The following ITM2B variants were observed in gnomAD, a reference collection of about 807,000 sequenced individuals.
The protein encoded by ITM2B is ABri/ADan amyloid peptide.
ITM2B carries 11 observed loss-of-function variants against 27.8 expected under a neutral mutation model. The observed-to-expected ratio is 0.40, with a 90% confidence interval of 0.25 to 0.66. ITM2B has a LOEUF of 0.66. Among genes scored for constraint, ITM2B ranks in the 30% least tolerant of loss-of-function variants. The pLI is 0.43. For missense variants in ITM2B, 296 were observed against 328.9 expected, an observed-to-expected ratio of 0.90 and a Z score of 0.77; for synonymous variants, 114 against 114.3, an observed-to-expected ratio of 1.00 and a Z score of 0.02.
At chr13:48,238,371 T>C (rs1184131987) in intron 1 of ITM2B, among the ~76,000 whole-genome samples, 2 of 152,176 alleles carry the variant, frequency 1.3e-5, no homozygotes, top group Non-Finnish European at 2.9e-5. Flanking sequence ...AAAAAACTTT[T>C]TGCAGTATTT....
At chr13:48,249,227 A>G (rs933765702) in intron 1 of ITM2B, among the ~76,000 whole-genome samples, 1 of 152,212 alleles carries the variant, frequency 6.6e-6, no homozygotes, top group Non-Finnish European at 1.5e-5. Context: ...CTAGAATTTG[A>G]TAAAGATGTG....
In ITM2B at chr13:48,242,261, T is replaced by C. The variant is rs192008799; in HGVS notation, c.117+8784T>C. 4.8e-3 allele frequency among the ~76,000 whole-genome samples: 724 copies of C among 152,274 alleles called. 1 individual carries two copies. The highest frequency in any genetic ancestry group is 0.016 in the African/African-American group (684 of 41,562). On this transcript the variant is annotated intron_variant, in intron 1 of 5. Coordinates refer to ENST00000647800, the MANE Select transcript of ITM2B (RefSeq NM_021999.5). ...AACTTTTTATTTTCCCTGAATTTGA[T>C]CATGCTTCTTGGGGCAGGAGAGAGG...
chr13:48,256,195 T>A lies in ITM2B; in HGVS notation c.265T>A (p.Cys89Ser). 6.2e-7 allele frequency: 1 copy of A among 1,612,116 alleles called. No individual in the cohort carries two copies. Among genetic ancestry groups the A allele is most frequent in the Non-Finnish European group, 8.5e-7 (1 of 1,178,290 alleles). Residue 89 changes from cysteine (C) to serine (S), a missense_variant, in exon 3 of 6, where the codon TGT (cysteine) becomes AGT (serine). Coordinates refer to ENST00000647800, the MANE Select transcript of ITM2B (RefSeq NM_021999.5). ...FALQPDDVYYCGIKYIKDDVI... is the reference protein window; with the variant it reads ...FALQPDDVYYSGIKYIKDDVI... ...TCTATAGCCAGATGACGTGTACTAC[T>A]GTGGAATAAAGTACATCAAAGATGA...
In ITM2B at chr13:48,235,822, T is replaced by G. The variant is rs561904473; in HGVS notation, c.117+2345T>G. On this transcript the variant is annotated intron_variant, in intron 1 of 5. Transcript: ENST00000647800. ...CTCCTGAACAAGAATTTTTCTTATCTTTAACCCTCCCAGATCACAATATCC... is the reference window on the plus strand; with the variant it reads ...CTCCTGAACAAGAATTTTTCTTATCGTTAACCCTCCCAGATCACAATATCC... Among the ~76,000 whole-genome samples, 3 of 152,348 alleles carry G rather than the reference T, an allele frequency of 2.0e-5. No individual in the cohort carries two copies. In the East Asian group the frequency reaches 5.8e-4, roughly 29 times the overall value.
chr13:48,244,997 A>G (rs1017490098), intron 1 of ITM2B, among the ~76,000 whole-genome samples: 8 of 152,212 alleles, frequency 5.3e-5, no homozygotes, highest in Admixed American at 5.2e-4. Context: ...ACTCACCAAT[A>G]TGAATTTGAA....
At chr13:48,241,037 C>G (rs1317258593) in intron 1 of ITM2B, among the ~76,000 whole-genome samples, 1 of 152,220 alleles carries the variant, frequency 6.6e-6, no homozygotes, top group African/African-American at 2.4e-5. Context: ...CCACTAGACC[C>G]TCTTCTGCCT....
At chr13:48,239,589 G>A (rs775319691) in intron 1 of ITM2B, among the ~76,000 whole-genome samples, 1 of 152,188 alleles carries the variant, frequency 6.6e-6, no homozygotes, top group Non-Finnish European at 1.5e-5. Flanking sequence ...CTGAGATTGC[G>A]CCATTGCATT....
At position 48,253,875 on chromosome 13, in the gene ITM2B, C is replaced by T. The variant is rs764604146; in HGVS notation, c.185C>T (p.Ala62Val). The T allele has an allele frequency of 2.1e-5, 34 of 1,613,444 alleles. No homozygotes were observed. The East Asian group carries it at 5.6e-4, about 26-fold the overall frequency. The stretch of plus-strand genomic sequence containing the variant: ...TGTTGGTGCATGTGCTTTGGACTAG[C>T]ATTTATGCTTGCAGGTGTTATTCTA... Reference protein sequence around the residue: ...AWCWCMCFGLAFMLAGVILGG... With the variant: ...AWCWCMCFGLVFMLAGVILGG... The change falls in exon 2 of 6, where the codon GCA becomes GTA. Residue 62 changes from alanine to valine, a missense_variant. By Grantham distance (64) the Ala-to-Val change is moderately conservative. Transcript: ENST00000647800.
At position 48,265,765 on chromosome 13, in the gene ITM2B, C is replaced by T. The variant is rs1336687657; in HGVS notation, c.*4541C>T. ...TCCTCACCCGACACCCTTCAGTTAG[C>T]TTCCACTCAACCTTCAGAATTTAGT... On this transcript the variant is annotated 3_prime_UTR_variant, in exon 6 of 6. Coordinates refer to ENST00000647800, the MANE Select transcript of ITM2B (RefSeq NM_021999.5). 8 of 152,170 alleles carry T rather than the reference C, an allele frequency of 5.3e-5. No homozygotes were observed. The highest frequency in any genetic ancestry group is 1.9e-4 in the African/African-American group (8 of 41,412). The allele number at this position is 152,170 out of a possible 1,614,324, so 9.4% of individuals were successfully genotyped here. A position where few individuals can be genotyped will look rare whatever the true frequency, so the allele number is the denominator to read the frequency against.
chr13:48,233,274 G>C lies in ITM2B; in HGVS notation c.-87G>C. On this transcript the variant is annotated 5_prime_UTR_variant, in exon 1 of 6. Transcript: ENST00000647800. ...CCGCCCGGAGCCGCTCCCGGAGCCC[G>C]GCCGTAGAGGCTGCAATCGCAGCCG... 2.5e-6 allele frequency: 2 copies of C among 803,142 alleles called. No individual in the cohort carries two copies. The highest frequency in any genetic ancestry group is 3.8e-6 in the Non-Finnish European group (2 of 522,790). The allele number at this position is 803,142 out of a possible 1,614,324, so 49.8% of individuals were successfully genotyped here.
At chr13:48,246,929 A>G (rs1951727347) in intron 1 of ITM2B, among the ~76,000 whole-genome samples, 1 of 152,146 alleles carries the variant, frequency 6.6e-6, no homozygotes, top group Non-Finnish European at 1.5e-5. Context: ...CCTGGGTTCA[A>G]GCGATTCTCG....
At position 48,258,797 on chromosome 13, in the gene ITM2B, G is replaced by A. The variant is rs1371739910; in HGVS notation, c.565G>A (p.Ala189Thr). Residue 189 changes from alanine (A) to threonine (T), a missense_variant and splice_region_variant, in exon 5 of 6, where the codon GCT becomes ACT. Coordinates refer to ENST00000647800, the MANE Select transcript of ITM2B (RefSeq NM_021999.5). ...NLLELLINIK[A>T]GTYLPQSYLI... Reference sequence around the variant, plus strand: ...GTCATGTATTCTTTTCTGAATGTAGGCTGGAACCTATTTGCCTCAGTCCTA... The same window carrying A: ...GTCATGTATTCTTTTCTGAATGTAGACTGGAACCTATTTGCCTCAGTCCTA... 1 of 1,613,240 alleles carries A rather than the reference G, an allele frequency of 6.2e-7. No individual in the cohort carries two copies. The highest frequency in any genetic ancestry group is 1.3e-5 in the African/African-American group (1 of 74,886).
chr13:48,254,877 C>G (rs907213729), intron 2 of ITM2B: 2 of 147,014 alleles, frequency 1.4e-5, no homozygotes, highest in African/African-American at 5.0e-5. Flanking sequence ...GGTGCATTAA[C>G]TTTTTTTTTT....
At position 48,251,825 on chromosome 13, in the gene ITM2B, T is replaced by C. The variant is rs1051859713; in HGVS notation, c.118-1983T>C. ...ATTATGTTAGGAATGATTTCTTACCTCCTTAGATATTTATGTCAGACAAGG... is the reference window on the plus strand; with the variant it reads ...ATTATGTTAGGAATGATTTCTTACCCCCTTAGATATTTATGTCAGACAAGG... On this transcript the variant is annotated intron_variant, in intron 1 of 5. Coordinates refer to ENST00000647800, the MANE Select transcript of ITM2B (RefSeq NM_021999.5). Among the ~76,000 whole-genome samples the C allele has an allele frequency of 4.6e-5, 7 of 152,284 alleles. No homozygotes were observed. In the East Asian group the frequency reaches 1.4e-3, roughly 29 times the overall value.
At position 48,270,025 on chromosome 13, in the gene ITM2B, A is replaced by G. The variant is rs1394742316; in HGVS notation, c.*8801A>G. The G allele has an allele frequency of 1.3e-5, 2 of 152,256 alleles. No individual in the cohort carries two copies. Among genetic ancestry groups the G allele is most frequent in the East Asian group, 1.9e-4 (1 of 5,200 alleles). The allele number at this position is 152,256 out of a possible 1,614,324, so 9.4% of individuals were successfully genotyped here. A position where few individuals can be genotyped will look rare whatever the true frequency, so the allele number is the denominator to read the frequency against. On this transcript the variant is annotated 3_prime_UTR_variant, in exon 6 of 6. Transcript: ENST00000647800. ...GCTTTTCCAGAAGGTGGTCATTTCC[A>G]TAGCCCATGTGGAATGAGATGTCCA... is the stretch of plus-strand genomic sequence containing the variant.
chr13:48,240,212 T>C (rs1379225809), intron 1 of ITM2B, among the ~76,000 whole-genome samples: 1 of 152,174 alleles, frequency 6.6e-6, no homozygotes, highest in East Asian at 1.9e-4. Context: ...TATTTTTATT[T>C]ATTTTTTTGT....
At position 48,256,382 on chromosome 13, in the gene ITM2B, A is replaced by G. The variant is rs752215006; in HGVS notation, c.452A>G (p.Lys151Arg). 6 of 1,609,944 alleles carry G rather than the reference A, an allele frequency of 3.7e-6. No individual in the cohort carries two copies. The East Asian group carries it at 1.3e-4, about 36-fold the overall frequency. ...GCCAACATTGTTCATGACTTTAACAAGGTGAGCCAAGTGTCCAGAATTGTA... is the reference window on the plus strand; with the variant it reads ...GCCAACATTGTTCATGACTTTAACAGGGTGAGCCAAGTGTCCAGAATTGTA... ...DPANIVHDFN[K>R]KLTAYLDLNL... Residue 151 changes from lysine to arginine, a missense_variant and splice_region_variant, in exon 3 of 6, where the codon AAG (lysine) becomes AGG (arginine). Transcript: ENST00000647800.
chr13:48,248,219 G>A (rs926076941), intron 1 of ITM2B, among the ~76,000 whole-genome samples: 1 of 151,942 alleles, frequency 6.6e-6, no homozygotes, highest in Admixed American at 6.6e-5. Flanking sequence ...TATATGTTGT[G>A]CAACGTGCCT....
In ITM2B at chr13:48,258,388, T is replaced by C. The variant is rs535441368; in HGVS notation, c.564+152T>C. On this transcript the variant is annotated intron_variant, in intron 4 of 5. Coordinates refer to ENST00000647800, the MANE Select transcript of ITM2B (RefSeq NM_021999.5). The stretch of plus-strand genomic sequence containing the variant: ...TAATACTCATGGTTTTTGTTTTTAA[T>C]GTTTTATATCTTGAAATTGAAATAA... 1.2e-3 allele frequency: 758 copies of C among 640,698 alleles called. 12 individuals carry two copies. The South Asian group carries it at 0.013, about 11-fold the overall frequency. The allele number at this position is 640,698 out of a possible 1,614,324, so 39.7% of individuals were successfully genotyped here.
Sources: gnomAD v4.1 joint callset for allele counts (sites outside exome capture counted in the v4.1 genomes callset) on GRCh38, gnomAD v4.1.1 for gene constraint, MANE v1.5 for transcripts, NCBI Gene and HGNC (gene_info 2026-07-23, HGNC 2026-07-21) for gene names.